UST: variants seen among roughly 807,000 people sequenced by gnomAD.
UST encodes the protein uronyl 2-sulfotransferase.
UST carries 21 observed loss-of-function variants against 45.6 expected under a neutral mutation model. That is an observed-to-expected ratio of 0.46 (90% CI 0.33 to 0.66). UST has a LOEUF of 0.66. Ranked by LOEUF, UST falls within the 30% of genes least tolerant of loss-of-function variation. UST has a pLI of 0.02. For synonymous variants in UST, 215 were observed against 200.6 expected (o/e 1.07, Z -0.61); for missense variants, 463 against 512.4 (o/e 0.90, Z 0.93).
intron 7 of UST, among the ~76,000 whole-genome samples, chr6:149,047,634 A>G (rs1298947271): frequency 6.6e-6 from 1 of 152,224 alleles, no homozygotes; most frequent in Non-Finnish European, 1.5e-5. Flanking sequence ...CAGAATTTCT[A>G]CTTGAAATGT....
intron 2 of UST, among the ~76,000 whole-genome samples, chr6:148,895,542 C>T (rs1230229048): frequency 6.6e-6 from 1 of 152,188 alleles, no homozygotes; most frequent in Non-Finnish European, 1.5e-5. Context: ...TGTGTCCCTA[C>T]CAAAATCTCA....
At chr6:148,764,852 C>T (rs113717991) in intron 1 of UST, among the ~76,000 whole-genome samples, 49,148 of 151,950 alleles carry the variant, frequency 0.32, 8,103 homozygotes, top group African/African-American at 0.36. Flanking sequence ...AGCAGAGAAC[C>T]GGTCTGACTA....
chr6:148,787,776 T>A (rs1776760151), intron 1 of UST, among the ~76,000 whole-genome samples: 1 of 152,236 alleles, frequency 6.6e-6, no homozygotes, highest in East Asian at 1.9e-4. Context: ...TAAATTGCTT[T>A]GAGCAGTGTG....
intron 7 of UST, among the ~76,000 whole-genome samples, chr6:149,029,241 G>A (rs1041041620): frequency 2.0e-5 from 3 of 151,070 alleles, no homozygotes; most frequent in Admixed American, 6.6e-5. Context: ...GAAGAGGGTG[G>A]AGTTTTGCAA....
chr6:148,851,172 A>G (rs1195131595), intron 1 of UST, among the ~76,000 whole-genome samples: 1 of 152,162 alleles, frequency 6.6e-6, no homozygotes, highest in Non-Finnish European at 1.5e-5. Flanking sequence ...TTGAGCAACA[A>G]ATGGCTATTG....
chr6:148,815,030 G>T (rs75761301), intron 1 of UST, among the ~76,000 whole-genome samples: 1 of 152,146 alleles, frequency 6.6e-6, no homozygotes, highest in Non-Finnish European at 1.5e-5. Flanking sequence ...ACATAAATCT[G>T]CATTAAAGAC....
chr6:148,862,731 G>T (rs1407668392), intron 1 of UST, among the ~76,000 whole-genome samples: 1 of 152,174 alleles, frequency 6.6e-6, no homozygotes, highest in African/African-American at 2.4e-5. Flanking sequence ...TGTCTGTAAA[G>T]AATTTTATTT....
chr6:148,887,883 T>C (rs1778940739), intron 2 of UST, among the ~76,000 whole-genome samples: 1 of 152,200 alleles, frequency 6.6e-6, no homozygotes, highest in South Asian at 2.1e-4. Flanking sequence ...ACTCTAGCTC[T>C]CCCTGTACTT....
chr6:149,031,146 G>A (rs1164743168), intron 7 of UST, among the ~76,000 whole-genome samples: 1 of 151,840 alleles, frequency 6.6e-6, no homozygotes, highest in Non-Finnish European at 1.5e-5. Flanking sequence ...GGTGGAGGTT[G>A]CAGTGAGCTG....
At chr6:148,879,959 T>C (rs956259607) in intron 1 of UST, among the ~76,000 whole-genome samples, 58 of 148,418 alleles carry the variant, frequency 3.9e-4, no homozygotes, top group Non-Finnish European at 8.2e-4. Context: ...TTTCTTTTTT[T>C]TTTTTTTTGA....
At chr6:148,800,271 A>G (rs1369794342) in intron 1 of UST, among the ~76,000 whole-genome samples, 2 of 152,310 alleles carry the variant, frequency 1.3e-5, no homozygotes, top group African/African-American at 4.8e-5. Context: ...GTGAGGATTC[A>G]CTGAAATACT....
chr6:148,789,822 T>A (rs1165442376), intron 1 of UST, among the ~76,000 whole-genome samples: 3 of 152,022 alleles, frequency 2.0e-5, no homozygotes, highest in South Asian at 2.1e-4. Flanking sequence ...GGTCTCGAAC[T>A]CCTGACCTCA....
At chr6:148,828,128 A>G (rs1278578165) in intron 1 of UST, among the ~76,000 whole-genome samples, 5 of 152,056 alleles carry the variant, frequency 3.3e-5, no homozygotes, top group Non-Finnish European at 7.4e-5. Flanking sequence ...AAATATATAT[A>G]TTTGTCAAAT....
At chr6:148,966,673 A>G (rs1047652661) in intron 5 of UST, among the ~76,000 whole-genome samples, 5 of 152,246 alleles carry the variant, frequency 3.3e-5, no homozygotes, top group Non-Finnish European at 7.3e-5. Flanking sequence ...ATAAGCTGCA[A>G]TCATTAGAGA....
chr6:149,032,359 A>G (rs919632342), intron 7 of UST, among the ~76,000 whole-genome samples: 7 of 152,024 alleles, frequency 4.6e-5, no homozygotes, highest in African/African-American at 1.7e-4. Flanking sequence ...TTCCCCACTA[A>G]GATCCCACCA....
chr6:148,834,274 T>C (rs1777744820), intron 1 of UST, among the ~76,000 whole-genome samples: 1 of 152,202 alleles, frequency 6.6e-6, no homozygotes, highest in Non-Finnish European at 1.5e-5. Flanking sequence ...AATAAAACAA[T>C]TTATTACCAT....
intron 1 of UST, among the ~76,000 whole-genome samples, chr6:148,782,705 G>A (rs1310888458): frequency 1.3e-5 from 2 of 151,992 alleles, no homozygotes; most frequent in Admixed American, 6.5e-5. Context: ...CACCTGCCTC[G>A]GCCTCCCAAA....
At chr6:148,781,236 T>C (rs1377001939) in intron 1 of UST, among the ~76,000 whole-genome samples, 4 of 152,144 alleles carry the variant, frequency 2.6e-5, no homozygotes, top group Non-Finnish European at 5.9e-5. Flanking sequence ...AGAAATGTTG[T>C]TGAAGGGAAT....
At chr6:149,038,126 G>C (rs950799713) in intron 7 of UST, among the ~76,000 whole-genome samples, 1 of 151,900 alleles carries the variant, frequency 6.6e-6, no homozygotes, top group Admixed American at 6.6e-5. Context: ...TTTGGATAGC[G>C]CTTTTACAGT....
Sources: allele counts gnomAD v4.1 joint callset (sites outside exome capture counted in the v4.1 genomes callset), GRCh38; gene constraint gnomAD v4.1.1; transcripts MANE v1.5; gene names NCBI Gene and HGNC (gene_info 2026-07-23, HGNC 2026-07-21).